CSNK2A2IP: variants seen among roughly 807,000 people sequenced by gnomAD.
The protein encoded by CSNK2A2IP is casein kinase II subunit alpha'-interacting protein.
At chr3:88,441,277 C>T in the CSNK2A2IP span, among the ~76,000 whole-genome samples, 2 of 152,212 alleles carry the variant, frequency 1.3e-5, no homozygotes, top group East Asian at 3.9e-4. Flanking sequence ...GTCTGGAAGA[C>T]AAGTGTGTCT....
At chr3:88,459,973 C>T in the CSNK2A2IP span, among the ~76,000 whole-genome samples, 1 of 151,854 alleles carries the variant, frequency 6.6e-6, no homozygotes, top group Non-Finnish European at 1.5e-5. Flanking sequence ...TGCTCTATTC[C>T]TTTTAAACTT....
chr3:88,407,353 A>T, the CSNK2A2IP span, among the ~76,000 whole-genome samples: 2 of 150,476 alleles, frequency 1.3e-5, no homozygotes, highest in African/African-American at 2.4e-5. Context: ...CATATCTTGT[A>T]ACATTTAGTA....
At chr3:88,410,963 T>C in the CSNK2A2IP span, among the ~76,000 whole-genome samples, 12 of 151,960 alleles carry the variant, frequency 7.9e-5, no homozygotes, top group Non-Finnish European at 1.6e-4. Flanking sequence ...GCTGATTGAG[T>C]AAGAAATATT....
the CSNK2A2IP span, among the ~76,000 whole-genome samples, chr3:88,446,694 AG>A: frequency 6.6e-6 from 1 of 152,166 alleles, no homozygotes; most frequent in East Asian, 1.9e-4. Context: ...TTGAGAGAGA[AG>A]GTCACGCCAC....
the CSNK2A2IP span, chr3:88,399,672 G>T: frequency 6.6e-6 from 1 of 152,130 alleles, no homozygotes; most frequent in Non-Finnish European, 1.5e-5. Context: ...TTCTTCCTCC[G>T]CAAACTAAAG....
chr3:88,379,564 A>G, the CSNK2A2IP span, among the ~76,000 whole-genome samples: 1 of 152,076 alleles, frequency 6.6e-6, no homozygotes, highest in Non-Finnish European at 1.5e-5. Flanking sequence ...GGTCTGAATT[A>G]TTTGAGTCTT....
the CSNK2A2IP span, among the ~76,000 whole-genome samples, chr3:88,410,922 C>T: frequency 3.5e-4 from 53 of 151,932 alleles, no homozygotes; most frequent in Non-Finnish European, 6.2e-4. Flanking sequence ...AATGTTGTCA[C>T]CAAAATATAA....
the CSNK2A2IP span, among the ~76,000 whole-genome samples, chr3:88,464,066 A>G: frequency 1.3e-5 from 2 of 151,548 alleles, no homozygotes; most frequent in African/African-American, 2.4e-5. Flanking sequence ...TGCAAGGACA[A>G]AAAACCAAAC....
chr3:88,449,868 T>TAGAGAGAGAGAGAGAGAG, the CSNK2A2IP span, among the ~76,000 whole-genome samples: 1 of 74,212 alleles, frequency 1.3e-5, no homozygotes. Context: ...TATATATATA[T>TAGAGAGAGAGAGAGAGAG]ATATATAGAG....
chr3:88,367,170 GCTTGAACCTGCTCCCTCAT>G, the CSNK2A2IP span, among the ~76,000 whole-genome samples: 3 of 152,062 alleles, frequency 2.0e-5, no homozygotes, highest in Non-Finnish European at 4.4e-5. Context: ...CTTAACTTGT[GCTTGAACCTGCTCCCTCAT>G]TGTTATCAAA....
At chr3:88,436,602 A>G in the CSNK2A2IP span, among the ~76,000 whole-genome samples, 1 of 152,152 alleles carries the variant, frequency 6.6e-6, no homozygotes, top group Non-Finnish European at 1.5e-5. Context: ...TTAAAAGGAA[A>G]GAAATACTAC....
At chr3:88,460,220 T>A in the CSNK2A2IP span, among the ~76,000 whole-genome samples, 1 of 152,176 alleles carries the variant, frequency 6.6e-6, no homozygotes, top group Non-Finnish European at 1.5e-5. Flanking sequence ...TTTTCTCCCA[T>A]TTTTTAGTTA....
At chr3:88,339,044 T>G in the CSNK2A2IP span, among the ~76,000 whole-genome samples, 1 of 152,104 alleles carries the variant, frequency 6.6e-6, no homozygotes, top group East Asian at 1.9e-4. Flanking sequence ...CTCAAACCAT[T>G]ATTATTATTT....
chr3:88,343,965 G>GGAT, the CSNK2A2IP span, among the ~76,000 whole-genome samples: 1 of 151,826 alleles, frequency 6.6e-6, no homozygotes, highest in Admixed American at 6.6e-5. Flanking sequence ...TTTATTTATA[G>GGAT]GATGGCACAT....
chr3:88,449,635 C>A, the CSNK2A2IP span, among the ~76,000 whole-genome samples: 1 of 150,282 alleles, frequency 6.7e-6, no homozygotes, highest in African/African-American at 2.5e-5. Context: ...TCCCCTGCAA[C>A]CCCCCATGTC....
the CSNK2A2IP span, among the ~76,000 whole-genome samples, chr3:88,429,919 ATTTTTTTTTTT>A: frequency 7.0e-6 from 1 of 142,094 alleles, no homozygotes; most frequent in Non-Finnish European, 1.5e-5. Context: ...CGCCAGGCTA[ATTTTTTTTTTT>A]TTTTGTATTT....
the CSNK2A2IP span, chr3:88,467,052 G>T: frequency 1.0e-6 from 1 of 982,534 alleles, no homozygotes; most frequent in Non-Finnish European, 1.3e-6. Flanking sequence ...CATCTGAACG[G>T]GATATCCAGG....
the CSNK2A2IP span, among the ~76,000 whole-genome samples, chr3:88,460,468 C>T: frequency 7.2e-5 from 11 of 152,158 alleles, no homozygotes; most frequent in African/African-American, 2.7e-4. Context: ...AACTCTCTCT[C>T]GTTAAGTTTT....
the CSNK2A2IP span, among the ~76,000 whole-genome samples, chr3:88,344,201 T>C: frequency 2.0e-5 from 3 of 148,356 alleles, no homozygotes; most frequent in Admixed American, 1.4e-4. Flanking sequence ...TCACCTTCCT[T>C]TTACAAACTG....
Sources: allele counts gnomAD v4.1 joint callset (sites outside exome capture counted in the v4.1 genomes callset), GRCh38; gene constraint gnomAD v4.1.1; transcripts MANE v1.5; gene names NCBI Gene and HGNC (gene_info 2026-07-23, HGNC 2026-07-21).